VPS13C: variants seen among roughly 807,000 people sequenced by gnomAD.
VPS13C encodes the protein vacuolar protein sorting 13 homolog C.
VPS13C carries 358 observed loss-of-function variants against 456.8 expected under a neutral mutation model. The observed-to-expected ratio is 0.78, with a 90% confidence interval of 0.72 to 0.86. The LOEUF is 0.86. Ranked by LOEUF, VPS13C falls within the 40% of genes least tolerant of loss-of-function variation. The pLI, the probability that VPS13C is intolerant of heterozygous loss-of-function variation, is 0.00. For missense variants in VPS13C, 4,818 were observed against 4,385.4 expected (o/e 1.10, Z -2.79); for synonymous variants, 1,578 against 1,486.7 (o/e 1.06, Z -1.41).
chr15:61,904,195 C>G (rs1258324828), intron 66 of VPS13C, among the ~76,000 whole-genome samples: 3 of 151,574 alleles, frequency 2.0e-5, no homozygotes, highest in Non-Finnish European at 2.9e-5. Context: ...AGACAACAAA[C>G]CGAAAGAGAG....
chr15:62,012,138 T>G lies in VPS13C; in HGVS notation c.852A>C (p.Thr284=), dbSNP rs748089429. The G allele has an allele frequency of 1.9e-6, 3 of 1,548,286 alleles. No homozygotes were observed. In the African/African-American group the frequency reaches 4.1e-5, roughly 21 times the overall value. Residue 284 remains threonine, a synonymous_variant, in exon 12 of 85, where the codon ACA becomes ACC. Coordinates refer to ENST00000644861, the MANE Select transcript of VPS13C (RefSeq NM_020821.3). Reference sequence around the variant, plus strand: ...GATAATTTGGGGGTATATTTCCACTTGTAAGAATTTCATTTTTCAGCTGAT... The same window carrying G: ...GATAATTTGGGGGTATATTTCCACTGGTAAGAATTTCATTTTTCAGCTGAT... The part of the protein sequence containing the change: ...ILDQLKNEIL[T]SGNIPPNYQY...
chr15:62,007,174 C>T (rs1325076353), intron 15 of VPS13C, 134 bp downstream of exon 15: 2 of 806,730 alleles, frequency 2.5e-6, no homozygotes, highest in African/African-American at 1.8e-5. Context: ...TCTGCATTTT[C>T]CCACATAATT....
At chr15:61,927,352 T>G (rs1460116279) in intron 51 of VPS13C, 32 bp from the exon 52 acceptor site, 2 of 1,576,902 alleles carry the variant, frequency 1.3e-6, no homozygotes, top group Non-Finnish European at 8.7e-7. Flanking sequence ...ACCAGAAAAG[T>G]TTAAGGTAAG....
At chr15:61,915,580 T>C (rs1200942427) in intron 61 of VPS13C, 53 bp downstream of exon 61, 5 of 1,499,020 alleles carry the variant, frequency 3.3e-6, no homozygotes, top group Non-Finnish European at 4.4e-6. Context: ...GACTCCCAAG[T>C]TTCTAGATTA....
At position 61,880,750 on chromosome 15, in the gene VPS13C, A is replaced by T. The variant is rs955705432; in HGVS notation, c.9889-28T>A. ...GAAAAAAATAAAATCAAGAATTTCT[A>T]TTTTAATTTTTTTCTCTATTAGAAT... is the stretch of plus-strand genomic sequence containing the variant. On this transcript the variant is annotated intron_variant, in intron 72 of 84. Coordinates refer to ENST00000644861, the MANE Select transcript of VPS13C (RefSeq NM_020821.3). The T allele has an allele frequency of 3.9e-6, 6 of 1,538,762 alleles. No individual in the cohort carries two copies. The African/African-American group carries it at 8.5e-5, about 22-fold the overall frequency.
chr15:61,905,096 T>C (rs544327855), intron 66 of VPS13C, among the ~76,000 whole-genome samples: 10 of 152,152 alleles, frequency 6.6e-5, no homozygotes, highest in Non-Finnish European at 1.3e-4. Context: ...AACAATAATG[T>C]ATTCTGTAGC....
rs1893747063 is a variant in VPS13C at position 61,853,436 on chromosome 15, G to C, written c.*1021C>G. 6.6e-6 allele frequency: 1 copy of C among 152,126 alleles called. No homozygotes were observed. The highest frequency in any genetic ancestry group is 2.1e-4 in the South Asian group (1 of 4,824). The allele number at this position is 152,126 out of a possible 1,614,324, so 9.4% of individuals were successfully genotyped here. On this transcript the variant is annotated 3_prime_UTR_variant, in exon 85 of 85. Transcript: ENST00000644861. ...TGTCATATAAGCTCATCTTGAAAGAGGATGTAAATACTTCCAAATTTTTAT... is the reference window on the plus strand; with the variant it reads ...TGTCATATAAGCTCATCTTGAAAGACGATGTAAATACTTCCAAATTTTTAT...
At position 61,903,242 on chromosome 15, in the gene VPS13C, G is replaced by A. The variant is rs186752028; in HGVS notation, c.9105+4022C>T. Among the ~76,000 whole-genome samples the A allele has an allele frequency of 4.1e-3, 626 of 152,034 alleles. 2 individuals are homozygous for A. Among genetic ancestry groups the A allele is most frequent in the Non-Finnish European group, 5.0e-3 (341 of 67,972 alleles). Reference sequence around the variant, plus strand: ...AGTCCCTGATATTCGAGAGACTGAAGGGAGAATTACTTGAGCCTGGGAGGT... The same window carrying A: ...AGTCCCTGATATTCGAGAGACTGAAAGGAGAATTACTTGAGCCTGGGAGGT... On this transcript the variant is annotated intron_variant, in intron 66 of 84. Coordinates refer to ENST00000644861, the MANE Select transcript of VPS13C (RefSeq NM_020821.3).
chr15:62,054,322 C>G (rs1010598097), intron 1 of VPS13C, among the ~76,000 whole-genome samples: 1 of 152,138 alleles, frequency 6.6e-6, no homozygotes. Context: ...TACAAACTAG[C>G]TGGCAGGTAA....
chr15:61,873,469 A>G (rs1895180669), intron 77 of VPS13C, 60 bp from the exon 78 acceptor site: 1 of 1,484,214 alleles, frequency 6.7e-7, no homozygotes, highest in Admixed American at 2.0e-5. Context: ...GGAACTCAAC[A>G]GCAAGAAAAC....
intron 27 of VPS13C, among the ~76,000 whole-genome samples, chr15:61,972,408 T>A (rs1172302378): frequency 6.6e-6 from 1 of 152,216 alleles, no homozygotes; most frequent in Non-Finnish European, 1.5e-5. Flanking sequence ...AGATCATTCT[T>A]ACATCAGTTT....
chr15:61,945,896 A>G lies in VPS13C; in HGVS notation c.4981-14T>C. 6.3e-7 allele frequency: 1 copy of G among 1,587,090 alleles called. No individual in the cohort carries two copies. The highest frequency in any genetic ancestry group is 8.5e-7 in the Non-Finnish European group (1 of 1,172,670). On this transcript the variant is annotated splice_polypyrimidine_tract_variant and intron_variant, in intron 44 of 84. Coordinates refer to ENST00000644861, the MANE Select transcript of VPS13C (RefSeq NM_020821.3). Reference sequence around the variant, plus strand: ...AATAGAGACAGCCTAAAAGTATTAGATTAACTGGTTATTATATCAAAAGAG... The same window carrying G: ...AATAGAGACAGCCTAAAAGTATTAGGTTAACTGGTTATTATATCAAAAGAG...
At chr15:61,891,752 G>C (rs1249353363) in intron 66 of VPS13C, among the ~76,000 whole-genome samples, 1 of 152,138 alleles carries the variant, frequency 6.6e-6, no homozygotes, top group Non-Finnish European at 1.5e-5. Flanking sequence ...GAATTGGTCA[G>C]AAATTAAAAT....
chr15:61,959,652 T>A, intron 35 of VPS13C, 57 bp from the exon 36 acceptor site: 1 of 1,545,866 alleles, frequency 6.5e-7, no homozygotes, highest in African/African-American at 1.4e-5. Flanking sequence ...ATGCAACATA[T>A]TAAAAAAAAG....
chr15:61,995,651 G>C (rs1353543507), intron 16 of VPS13C, among the ~76,000 whole-genome samples: 1 of 152,202 alleles, frequency 6.6e-6, no homozygotes, highest in Non-Finnish European at 1.5e-5. Context: ...GCTGAGGGCA[G>C]CTCTAGCCAG....
intron 53 of VPS13C, 137 bp from the exon 54 acceptor site, chr15:61,922,899 C>T (rs2043709028): frequency 4.1e-6 from 3 of 736,592 alleles, no homozygotes; most frequent in Non-Finnish European, 5.6e-6. Context: ...ATTAAAGTAA[C>T]TAATTTAAAT....
At chr15:62,019,741 G>T (rs1317149007) in intron 9 of VPS13C, among the ~76,000 whole-genome samples, 1 of 152,000 alleles carries the variant, frequency 6.6e-6, no homozygotes, top group Non-Finnish European at 1.5e-5. Flanking sequence ...GTGAGGTGTG[G>T]TGCTGAGAAG....
intron 66 of VPS13C, among the ~76,000 whole-genome samples, chr15:61,895,010 A>G (rs1467940316): frequency 1.3e-5 from 2 of 152,246 alleles, no homozygotes; most frequent in Non-Finnish European, 2.9e-5. Context: ...AGTTAAAATT[A>G]TATCAAGTAT....
At chr15:61,898,844 T>C (rs1260185060) in intron 66 of VPS13C, among the ~76,000 whole-genome samples, 2 of 99,276 alleles carry the variant, frequency 2.0e-5, no homozygotes, top group Admixed American at 1.2e-4. Flanking sequence ...ATTGACCACA[T>C]ACTTGGAAGT....
Sources: gnomAD v4.1 joint callset for allele counts (sites outside exome capture counted in the v4.1 genomes callset) on GRCh38, gnomAD v4.1.1 for gene constraint, MANE v1.5 for transcripts, NCBI Gene and HGNC (gene_info 2026-07-23, HGNC 2026-07-21) for gene names.